Variants in LINGO2 observed in about 807,000 individuals in gnomAD.
LINGO2 encodes the protein leucine rich repeat and Ig domain containing 2.
A neutral mutation model predicts 30.6 loss-of-function variants in LINGO2; 14 were observed. That is an observed-to-expected ratio of 0.46 (90% CI 0.30 to 0.72). The LOEUF (loss-of-function observed/expected upper bound fraction) is 0.72. Ranked by LOEUF, LINGO2 falls within the 30% of genes least tolerant of loss-of-function variation. The pLI, the probability that LINGO2 is intolerant of heterozygous loss-of-function variation, is 0.07. For synonymous variants in LINGO2, 317 were observed against 288.5 expected (o/e 1.10, Z -1.00); for missense variants, 729 against 751.7 (o/e 0.97, Z 0.35).
chr9:28,884,912 T>A, the LINGO2 span, among the ~76,000 whole-genome samples: 5 of 75,098 alleles, frequency 6.7e-5, 1 homozygote, highest in Non-Finnish European at 1.0e-4. Context: ...ATATATGTAT[T>A]TAGATACTAT....
the LINGO2 span, among the ~76,000 whole-genome samples, chr9:29,059,103 C>A: frequency 6.6e-6 from 1 of 151,430 alleles, no homozygotes; most frequent in Non-Finnish European, 1.5e-5. Context: ...GATTTATATG[C>A]TAAAGACTAC....
intron 4 of LINGO2, among the ~76,000 whole-genome samples, chr9:28,035,512 A>G (rs769709696): frequency 1.3e-5 from 2 of 152,240 alleles, no homozygotes; most frequent in Non-Finnish European, 2.9e-5. Flanking sequence ...GAAATGAAAT[A>G]GTCGAATTTT....
At chr9:29,007,136 T>A in the LINGO2 span, among the ~76,000 whole-genome samples, 1 of 152,132 alleles carries the variant, frequency 6.6e-6, no homozygotes, top group African/African-American at 2.4e-5. Context: ...TTTAAAATAC[T>A]TTATCAAAGG....
the LINGO2 span, among the ~76,000 whole-genome samples, chr9:28,714,882 A>G: frequency 2.6e-5 from 4 of 152,156 alleles, no homozygotes. Flanking sequence ...CTACCATGAA[A>G]GTTCTGTAAT....
chr9:29,198,717 G>C, the LINGO2 span, among the ~76,000 whole-genome samples: 1 of 152,096 alleles, frequency 6.6e-6, no homozygotes, highest in Non-Finnish European at 1.5e-5. Context: ...GCAAGATTCT[G>C]TAAATGTTTC....
chr9:28,982,350 G>A, the LINGO2 span, among the ~76,000 whole-genome samples: 2 of 151,986 alleles, frequency 1.3e-5, no homozygotes, highest in African/African-American at 4.8e-5. Context: ...AATGGAGGGA[G>A]ATGCTCAGGG....
the LINGO2 span, among the ~76,000 whole-genome samples, chr9:29,020,991 G>A: frequency 3.3e-5 from 5 of 152,078 alleles, no homozygotes; most frequent in African/African-American, 1.2e-4. Context: ...AGGATTTGAG[G>A]CAAAGGTGTG....
chr9:27,975,551 A>G (rs1447019243), intron 5 of LINGO2, among the ~76,000 whole-genome samples: 2 of 152,126 alleles, frequency 1.3e-5, no homozygotes, highest in African/African-American at 4.8e-5. Context: ...AAGCTGATAT[A>G]AGTTGGATCC....
chr9:28,656,086 G>A (rs1828324904), intron 1 of LINGO2, among the ~76,000 whole-genome samples: 1 of 152,040 alleles, frequency 6.6e-6, no homozygotes, highest in African/African-American at 2.4e-5. Context: ...CACTGCATTG[G>A]TTTCTAACAG....
intron 1 of LINGO2, chr9:28,598,780 C>G (rs1825329470): frequency 6.6e-6 from 1 of 152,326 alleles, no homozygotes; most frequent in South Asian, 2.1e-4. Flanking sequence ...TCCATTCTCT[C>G]TTTTAAAATC....
the LINGO2 span, among the ~76,000 whole-genome samples, chr9:29,005,661 T>C: frequency 2.0e-5 from 3 of 152,044 alleles, no homozygotes; most frequent in African/African-American, 4.8e-5. Context: ...CCAAAATTCA[T>C]GCATACTCAA....
intron 1 of LINGO2, among the ~76,000 whole-genome samples, chr9:28,515,457 C>T (rs561621840): frequency 2.0e-5 from 3 of 152,276 alleles, no homozygotes; most frequent in South Asian, 2.1e-4. Flanking sequence ...CCACCCACCT[C>T]GGCCTCCCAA....
the LINGO2 span, among the ~76,000 whole-genome samples, chr9:28,867,679 C>A: frequency 9.2e-5 from 14 of 152,236 alleles, no homozygotes; most frequent in African/African-American, 3.4e-4. Flanking sequence ...CACATAATCC[C>A]TGCCTTCAAC....
intron 4 of LINGO2, among the ~76,000 whole-genome samples, chr9:28,017,092 C>A (rs1390444125): frequency 6.6e-6 from 1 of 152,152 alleles, no homozygotes; most frequent in Non-Finnish European, 1.5e-5. Flanking sequence ...ACAAAAACCA[C>A]CTGATCATTT....
At chr9:28,999,479 G>C in the LINGO2 span, among the ~76,000 whole-genome samples, 1 of 151,792 alleles carries the variant, frequency 6.6e-6, no homozygotes, top group Non-Finnish European at 1.5e-5. Flanking sequence ...ACAGGACTGA[G>C]GAATAGGAGT....
intron 4 of LINGO2, among the ~76,000 whole-genome samples, chr9:28,190,712 G>C (rs1344294134): frequency 6.6e-6 from 1 of 152,082 alleles, no homozygotes; most frequent in Non-Finnish European, 1.5e-5. Flanking sequence ...ATGGTATTTT[G>C]TTAAACCAGC....
At chr9:29,163,468 A>G in the LINGO2 span, among the ~76,000 whole-genome samples, 1 of 152,214 alleles carries the variant, frequency 6.6e-6, no homozygotes, top group Admixed American at 6.5e-5. Flanking sequence ...TTAGAGTCTA[A>G]TAATACACAG....
chr9:28,877,530 T>G, the LINGO2 span, among the ~76,000 whole-genome samples: 2 of 152,098 alleles, frequency 1.3e-5, no homozygotes, highest in Admixed American at 6.6e-5. Flanking sequence ...ATTGCTTGTT[T>G]TTCTCAGGTT....
chr9:28,643,153 A>C (rs1234332362), intron 1 of LINGO2, among the ~76,000 whole-genome samples: 1 of 152,078 alleles, frequency 6.6e-6, no homozygotes, highest in African/African-American at 2.4e-5. Flanking sequence ...CTATCAAAAT[A>C]TCAAAACCTT....
Sources: allele counts gnomAD v4.1 joint callset (sites outside exome capture counted in the v4.1 genomes callset), GRCh38; gene constraint gnomAD v4.1.1; transcripts MANE v1.5; gene names NCBI Gene and HGNC (gene_info 2026-07-23, HGNC 2026-07-21).